The following SCAPER variants were observed in gnomAD, a reference collection of about 807,000 sequenced individuals.
The protein encoded by SCAPER is S phase cyclin A-associated protein in the endoplasmic reticulum.
SCAPER carries 98 observed loss-of-function variants against 182.2 expected under a neutral mutation model. The ratio of observed to expected loss-of-function variants is 0.54; its 90% confidence interval spans 0.46 to 0.64. SCAPER has a LOEUF of 0.64. Ranked by LOEUF, SCAPER falls within the 30% of genes least tolerant of loss-of-function variation. The pLI is 0.00. For missense variants in SCAPER, 1,432 were observed against 1,690.0 expected (o/e 0.85, Z 2.68); for synonymous variants, 605 against 564.6 (o/e 1.07, Z -1.01).
intron 1 of SCAPER, among the ~76,000 whole-genome samples, chr15:76,895,226 A>T (rs1275988479): frequency 1.3e-5 from 2 of 152,166 alleles, no homozygotes; most frequent in African/African-American, 4.8e-5. Flanking sequence ...ATGGTTCAAC[A>T]TATGCAAATT....
intron 25 of SCAPER, among the ~76,000 whole-genome samples, chr15:76,470,601 C>T (rs937899975): frequency 6.6e-6 from 1 of 152,146 alleles, no homozygotes; most frequent in African/African-American, 2.4e-5. Context: ...GAAACTTCAC[C>T]AGGAAACTCC....
At chr15:76,788,473 T>C (rs1276893462) in intron 8 of SCAPER, among the ~76,000 whole-genome samples, 1 of 152,192 alleles carries the variant, frequency 6.6e-6, no homozygotes. Context: ...CATAGAACAG[T>C]GTGTCATACC....
chr15:76,876,942 C>T (rs906048775), intron 2 of SCAPER, among the ~76,000 whole-genome samples: 1 of 152,168 alleles, frequency 6.6e-6, no homozygotes, highest in African/African-American at 2.4e-5. Context: ...TATGGACATA[C>T]CAAATAGATT....
chr15:76,755,218 A>G (rs1038446796), intron 14 of SCAPER, among the ~76,000 whole-genome samples: 16 of 152,316 alleles, frequency 1.1e-4, no homozygotes, highest in South Asian at 6.2e-4. Flanking sequence ...TTAAAATAAT[A>G]CATTGACTCT....
chr15:76,734,052 C>T (rs1312048787), intron 15 of SCAPER, among the ~76,000 whole-genome samples: 3 of 152,210 alleles, frequency 2.0e-5, no homozygotes, highest in South Asian at 2.1e-4. Context: ...ACAAATTACA[C>T]AAACATTGAA....
At chr15:76,777,927 A>G (rs1568103909) in intron 8 of SCAPER, among the ~76,000 whole-genome samples, 1 of 152,182 alleles carries the variant, frequency 6.6e-6, no homozygotes, top group Admixed American at 6.5e-5. Flanking sequence ...TGCTGAGAAC[A>G]CTAAGAGCCT....
At chr15:76,497,168 T>C (rs1050641764) in intron 24 of SCAPER, among the ~76,000 whole-genome samples, 1 of 139,506 alleles carries the variant, frequency 7.2e-6, no homozygotes, top group Non-Finnish European at 1.5e-5. Context: ...GGAATGCACA[T>C]AGTCCTGTAA....
chr15:76,390,235 G>A (rs562375048), intron 27 of SCAPER, among the ~76,000 whole-genome samples: 5 of 152,298 alleles, frequency 3.3e-5, no homozygotes, highest in South Asian at 2.1e-4. Context: ...GATTGCAGCC[G>A]TGAGCCACTG....
intron 27 of SCAPER, among the ~76,000 whole-genome samples, chr15:76,401,116 T>TATATGTATATGTATATG (rs1165650348): frequency 6.7e-6 from 1 of 149,332 alleles, no homozygotes; most frequent in African/African-American, 2.6e-5. Context: ...AGTTTACACA[T>TATATGTATATGTATATG]ATATGTATAT....
intron 20 of SCAPER, among the ~76,000 whole-genome samples, chr15:76,683,033 G>A (rs776986047): frequency 8.5e-5 from 13 of 152,226 alleles, no homozygotes; most frequent in Non-Finnish European, 1.3e-4. Context: ...TTAGTTCCCC[G>A]GGAATGGTTC....
chr15:76,469,607 C>T (rs1369794011), intron 25 of SCAPER, among the ~76,000 whole-genome samples: 6 of 152,084 alleles, frequency 3.9e-5, no homozygotes, highest in Admixed American at 2.0e-4. Context: ...ATGATATTGA[C>T]GTTTTTGAAA....
intron 26 of SCAPER, 44 bp from the exon 27 acceptor site, chr15:76,404,723 A>C (rs566781483): frequency 1.0e-4 from 158 of 1,571,882 alleles, no homozygotes; most frequent in Non-Finnish European, 1.3e-4. Context: ...TGAATAGGCC[A>C]GCAACATCTT....
At chr15:76,559,306 T>C (rs1364314539) in intron 23 of SCAPER, among the ~76,000 whole-genome samples, 1 of 151,138 alleles carries the variant, frequency 6.6e-6, no homozygotes, top group East Asian at 1.9e-4. Flanking sequence ...TCCACCTGCC[T>C]TGGCTTCCCA....
At chr15:76,604,046 A>G (rs1597620607) in intron 22 of SCAPER, among the ~76,000 whole-genome samples, 1 of 119,916 alleles carries the variant, frequency 8.3e-6, no homozygotes, top group Non-Finnish European at 2.0e-5. Context: ...CCATTTGTCA[A>G]TTTTGGCTTT....
chr15:76,738,716 TG>T (rs2061402948), intron 15 of SCAPER, among the ~76,000 whole-genome samples: 1 of 152,170 alleles, frequency 6.6e-6, no homozygotes, highest in Admixed American at 6.5e-5. Flanking sequence ...TTAAGTTTGC[TG>T]TCATATATGA....
intron 8 of SCAPER, among the ~76,000 whole-genome samples, chr15:76,782,365 A>G (rs999422856): frequency 2.5e-4 from 38 of 152,168 alleles, no homozygotes; most frequent in African/African-American, 8.7e-4. Context: ...CACCCAATAC[A>G]CTCAGATTCA....
At chr15:76,722,006 GT>G (rs1176244945) in intron 17 of SCAPER, among the ~76,000 whole-genome samples, 1 of 152,186 alleles carries the variant, frequency 6.6e-6, no homozygotes, top group African/African-American at 2.4e-5. Flanking sequence ...TCTTGTGCCA[GT>G]TTTCAAAGGG....
intron 5 of SCAPER, among the ~76,000 whole-genome samples, chr15:76,807,690 C>A (rs978878130): frequency 8.3e-6 from 1 of 120,824 alleles, no homozygotes; most frequent in Non-Finnish European, 1.7e-5. Flanking sequence ...CCCCTCCCCC[C>A]ACCCCATAAC....
intron 22 of SCAPER, among the ~76,000 whole-genome samples, chr15:76,601,589 G>A (rs1170307068): frequency 8.3e-6 from 1 of 121,182 alleles, no homozygotes; most frequent in African/African-American, 2.5e-5. Context: ...TTCAAACAAT[G>A]ATGAAATTGC....
Sources: allele counts gnomAD v4.1 joint callset (sites outside exome capture counted in the v4.1 genomes callset), GRCh38; gene constraint gnomAD v4.1.1; transcripts MANE v1.5; gene names NCBI Gene and HGNC (gene_info 2026-07-23, HGNC 2026-07-21).